HOOK2: variants seen among roughly 807,000 people sequenced by gnomAD.
The protein encoded by HOOK2 is protein Hook homolog 2.
In HOOK2, 108 loss-of-function variants were observed where a neutral mutation model predicts 111.9. The observed-to-expected ratio is 0.96, with a 90% CI of 0.83 to 1.13. The LOEUF (loss-of-function observed/expected upper bound fraction) is 1.13, where lower values mean the gene tolerates loss of function less well. Among genes scored for constraint, HOOK2 ranks in the 50% most tolerant of loss-of-function variants. HOOK2 has a pLI of 0.00. For synonymous variants in HOOK2, 405 were observed against 394.3 expected, an observed-to-expected ratio of 1.03 and a Z score of -0.32; for missense variants, 978 against 951.3, an observed-to-expected ratio of 1.03 and a Z score of -0.37.
intron 3 of HOOK2, among the ~76,000 whole-genome samples, chr19:12,788,097 G>T (rs925405274): frequency 1.3e-5 from 2 of 152,134 alleles, no homozygotes; most frequent in Non-Finnish European, 2.9e-5. Flanking sequence ...ACCAAAAAAA[G>T]AGGCCCTTCA....
intron 3 of HOOK2, chr19:12,792,221 C>A (rs753977029): frequency 3.2e-6 from 5 of 1,539,772 alleles, no homozygotes; most frequent in Non-Finnish European, 3.5e-6. Context: ...ACAAGATGAA[C>A]CACGTGACAC....
Position 12,791,000 on chromosome 19 carries a change from G to A in HOOK2, n.42-16775C>T, listed in dbSNP as rs1968706330. ...GGACCCCCAGTCAATTCCTGGGTCA[G>A]GTGTCTCCTTAACCCTCCCGATTTA... On this transcript the variant is annotated intron_variant and non_coding_transcript_variant, in intron 3 of 3. Transcript: ENST00000589765. This position sits in a 1 kb window ranked among gnomAD's most constrained non-coding sequence, Gnocchi z 7.2. Among the ~76,000 whole-genome samples, 1 of 152,116 alleles carries A rather than the reference G, an allele frequency of 6.6e-6. No individual in the cohort carries two copies. The highest frequency in any genetic ancestry group is 1.5e-5 in the Non-Finnish European group (1 of 68,020).
Position 12,772,763 on chromosome 19 carries a change from C to T in HOOK2, c.388+17G>A. 1.2e-6 allele frequency: 2 copies of T among 1,613,764 alleles called. No individual in the cohort carries two copies. The highest frequency in any genetic ancestry group is 1.7e-6 in the Non-Finnish European group (2 of 1,179,670). On this transcript the variant is annotated intron_variant, in intron 5 of 22. Coordinates refer to ENST00000397668, the MANE Select transcript of HOOK2 (RefSeq NM_013312.3). ...TTTCCTCAGGCCAGCCCTGGGGACC[C>T]CCTAAGCTCCCCATACCCTGCTTTT...
intron 1 of HOOK2, 122 bp from the exon 2 acceptor site, chr19:12,775,019 G>T: frequency 1.8e-6 from 2 of 1,139,162 alleles, no homozygotes; most frequent in Non-Finnish European, 2.5e-6. Flanking sequence ...CTCCGCCACA[G>T]CAGCTCTGCG....
chr19:12,765,591 T>A, intron 18 of HOOK2, 99 bp downstream of exon 18: 2 of 1,471,520 alleles, frequency 1.4e-6, no homozygotes, highest in Non-Finnish European at 1.9e-6. Context: ...CTACTAAAAA[T>A]ATAAAAAATC....
upstream of HOOK2, among the ~76,000 whole-genome samples, chr19:12,777,753 C>A (rs1968555438): frequency 6.6e-6 from 1 of 152,258 alleles, no homozygotes; most frequent in Non-Finnish European, 1.5e-5. Flanking sequence ...GGCGCGGAGA[C>A]CGCAGAACGC....
At chr19:12,775,384 T>C (rs1289837786) in intron 1 of HOOK2, 21 bp downstream of exon 1, 1 of 1,609,918 alleles carries the variant, frequency 6.2e-7, no homozygotes, top group Admixed American at 1.7e-5. Flanking sequence ...CACCTTCCCC[T>C]AGCCCCGCCC....
In HOOK2 at chr19:12,791,615, C is replaced by A. The variant is rs1295465172; in HGVS notation, n.42-17390G>T. On this transcript the variant is annotated intron_variant and non_coding_transcript_variant, in intron 3 of 3. Coordinates refer to the HOOK2 transcript ENST00000589765. The surrounding 1 kb of genome is among the most constrained non-coding windows in gnomAD (Gnocchi z 7.0). ...CGGGAAGCCTGACAGGGCTTTTGCGCACAGCTGCCGGCTGGCTGCTACCCG... is the reference window on the plus strand; with the variant it reads ...CGGGAAGCCTGACAGGGCTTTTGCGAACAGCTGCCGGCTGGCTGCTACCCG... 1 of 548,270 alleles carries A rather than the reference C, an allele frequency of 1.8e-6. No homozygotes were observed. 34.0% of individuals were successfully genotyped at this position (548,270 alleles called of 1,614,324 possible). A position where few individuals can be genotyped will look rare whatever the true frequency, so the allele number is the denominator to read the frequency against.
intron 3 of HOOK2, among the ~76,000 whole-genome samples, chr19:12,788,925 T>C (rs1205355963): frequency 1.3e-5 from 2 of 151,890 alleles, no homozygotes; most frequent in African/African-American, 2.4e-5. Context: ...ACAGGGACCC[T>C]CCAAGGACGG....
At chr19:12,777,078 A>G (rs925357713), upstream of HOOK2, among the ~76,000 whole-genome samples, 1 of 149,098 alleles carries the variant, frequency 6.7e-6, no homozygotes, top group Non-Finnish European at 1.5e-5. Flanking sequence ...AATAGCTTGA[A>G]CCCAAGAGGC....
intron 3 of HOOK2, among the ~76,000 whole-genome samples, chr19:12,784,079 G>C (rs747479578): frequency 2.0e-4 from 31 of 152,268 alleles, no homozygotes; most frequent in Non-Finnish European, 3.1e-4. Context: ...GCCCGAGGGA[G>C]GGGACGTCGG....
chr19:12,775,187 C>T lies in HOOK2; in HGVS notation c.45+218G>A, dbSNP rs79779798. The T allele has an allele frequency of 2.2e-3, 2,204 of 985,262 alleles. 43 individuals carry two copies. The African/African-American group carries it at 0.036, about 16-fold the overall frequency. The allele number at this position is 985,262 out of a possible 1,614,324, so 61.0% of individuals were successfully genotyped here. A position where few individuals can be genotyped will look rare whatever the true frequency, so the allele number is the denominator to read the frequency against. On this transcript the variant is annotated intron_variant, in intron 1 of 22. Transcript: ENST00000397668. Reference sequence around the variant, plus strand: ...CCAATTCACCTGTGTCCTCGCCCCACGTGAACCAACCACAGAGGGGCGGGG... The same window carrying T: ...CCAATTCACCTGTGTCCTCGCCCCATGTGAACCAACCACAGAGGGGCGGGG...
upstream of HOOK2, chr19:12,778,412 C>A (rs1245696222): frequency 6.6e-6 from 1 of 152,274 alleles, no homozygotes; most frequent in African/African-American, 2.4e-5. Context: ...GACTCCAGCC[C>A]CTGGGAGCGG....
chr19:12,763,455 G>T (rs1033658500), intron 22 of HOOK2, 24 bp from the exon 23 acceptor site: 5 of 1,613,504 alleles, frequency 3.1e-6, no homozygotes, highest in Non-Finnish European at 4.2e-6. Context: ...TGTGGTTGGG[G>T]TCAGGTGAGC....
chr19:12,782,748 C>A (rs1179931880), upstream of HOOK2, among the ~76,000 whole-genome samples: 1 of 152,176 alleles, frequency 6.6e-6, no homozygotes, highest in Non-Finnish European at 1.5e-5. Flanking sequence ...CCGGTGAAAC[C>A]CGGGAGGGGG....
At position 12,772,241 on chromosome 19, in the gene HOOK2, T is replaced by C. The variant is rs977683666; in HGVS notation, c.468A>G (p.Lys156=). 1.2e-6 allele frequency: 2 copies of C among 1,613,962 alleles called. No individual in the cohort carries two copies. The highest frequency in any genetic ancestry group is 2.7e-5 in the African/African-American group (2 of 74,924). The change falls in exon 7 of 23, where the codon AAA becomes AAG. Residue 156 remains lysine, a synonymous_variant. Coordinates refer to ENST00000397668, the MANE Select transcript of HOOK2 (RefSeq NM_013312.3). The part of the protein sequence containing the change: ...VMEAIQELMT[K]DTPDSLSPET... The stretch of plus-strand genomic sequence containing the variant: ...CTGGTGACAGGGAGTCAGGAGTGTC[T>C]TTGGTCATGAGCTGAGGAGTGGGAA...
At chr19:12,775,873 CTTTTTT>C (rs775787302), upstream of HOOK2, among the ~76,000 whole-genome samples, 2 of 103,848 alleles carry the variant, frequency 1.9e-5, no homozygotes, top group Non-Finnish European at 3.6e-5. Flanking sequence ...TAAGTAAATT[CTTTTTT>C]TTTTTTTTTT....
At chr19:12,776,628 G>A (rs927992274), upstream of HOOK2, among the ~76,000 whole-genome samples, 14 of 144,464 alleles carry the variant, frequency 9.7e-5, no homozygotes, top group African/African-American at 3.6e-4. Context: ...GCAGTCAGCC[G>A]AGATCGTACC....
upstream of HOOK2, among the ~76,000 whole-genome samples, chr19:12,775,986 T>C (rs967028640): frequency 6.9e-6 from 1 of 144,764 alleles, no homozygotes; most frequent in Admixed American, 6.9e-5. Context: ...CACGCCATTC[T>C]CCTGCCTCAG....
Sources: gnomAD v4.1 joint callset for allele counts (sites outside exome capture counted in the v4.1 genomes callset) on GRCh38, gnomAD v4.1.1 for gene constraint, Gnocchi (gnomAD v3.1) non-coding constraint, MANE v1.5 for transcripts, NCBI Gene and HGNC (gene_info 2026-07-23, HGNC 2026-07-21) for gene names.